Variants in MS4A7 observed in about 807,000 individuals in gnomAD.
The protein encoded by MS4A7 is membrane spanning 4-domains A7, also known as membrane-spanning 4-domains subfamily A member 7.
A neutral mutation model predicts 23.5 loss-of-function variants in MS4A7; 21 were observed. That is an observed-to-expected ratio of 0.89 (90% confidence interval 0.63 to 1.29). MS4A7 has a LOEUF of 1.29. MS4A7 is among the 50% of genes most tolerant of loss of function. MS4A7 has a pLI of 0.00. For missense variants in MS4A7, 263 were observed against 274.2 expected (o/e 0.96, Z 0.29); for synonymous variants, 111 against 107.4 (o/e 1.03, Z -0.21).
In MS4A7 at chr11:60,389,538, A is replaced by T. The variant is rs981444388; in HGVS notation, c.488A>T (p.Glu163Val). 1.2e-6 allele frequency: 2 copies of T among 1,613,950 alleles called. No individual in the cohort carries two copies. The highest frequency in any genetic ancestry group is 1.7e-6 in the Non-Finnish European group (2 of 1,179,964). Residue 163 changes from glutamate to valine, a missense_variant, in exon 5 of 7, where the codon GAG becomes GTG. Coordinates refer to ENST00000300184, the MANE Select transcript of MS4A7 (RefSeq NM_021201.5). ...MDYLSSLPYS[E>V]YYYPIYEIKD... ...TATCTATCCTCATTGCCTTATTCGG[A>T]GTACTATTATCCAATATATGAAATC...
At position 60,386,749 on chromosome 11, in the gene MS4A7, T is replaced by C; in HGVS notation, c.315T>C (p.Ser105=). 6.2e-7 allele frequency: 1 copy of C among 1,613,150 alleles called. No individual in the cohort carries two copies. Among genetic ancestry groups the C allele is most frequent in the Non-Finnish European group, 8.5e-7 (1 of 1,179,216 alleles). The change falls in exon 4 of 7, where the codon TCT becomes TCC. Residue 105 remains serine, a synonymous_variant. Transcript: ENST00000300184. ...FGITGSLSII[S]GKQSTKPFDL... is the part of the protein sequence containing the mutation. ...TTACTGGATCCCTCTCAATTATCTC[T>C]GGAAAACAATCAACTAAGCCCTTTG...
chr11:60,385,095 A>G lies in MS4A7; in HGVS notation c.155A>G (p.Gln52Arg). The change falls in exon 3 of 7, where the codon CAG becomes CGG. Residue 52 changes from glutamine (Q) to arginine (R), a missense_variant. Coordinates refer to ENST00000300184, the MANE Select transcript of MS4A7 (RefSeq NM_021201.5). The stretch of plus-strand genomic sequence containing the variant: ...CTGTCTTCTCTCTTGTAGACTGTCC[A>G]GATCCTGTGTTGCCTGTTGATTTCA... ...PTETTVLGTV[Q>R]ILCCLLISSL... 3 of 1,613,918 alleles carry G rather than the reference A, an allele frequency of 1.9e-6. No individual in the cohort carries two copies. Among genetic ancestry groups the G allele is most frequent in the Non-Finnish European group, 2.5e-6 (3 of 1,179,816 alleles).
At chr11:60,386,161 G>T in intron 3 of MS4A7, among the ~76,000 whole-genome samples, 1 of 152,134 alleles carries the variant, frequency 6.6e-6, no homozygotes, top group East Asian at 1.9e-4. Flanking sequence ...CTGCCAGCTG[G>T]ATCTTTAATA....
chr11:60,393,539 C>A (rs896797974), intron 6 of MS4A7, among the ~76,000 whole-genome samples: 18 of 152,076 alleles, frequency 1.2e-4, no homozygotes, highest in Non-Finnish European at 8.8e-5. Flanking sequence ...CTAAAGGCTA[C>A]AACAACAAAA....
chr11:60,388,049 T>C (rs1412757106), intron 4 of MS4A7, among the ~76,000 whole-genome samples: 1 of 152,250 alleles, frequency 6.6e-6, no homozygotes, highest in East Asian at 1.9e-4. Flanking sequence ...GGAAGGATGG[T>C]TGTCCTGCCC....
chr11:60,388,198 G>A (rs2085511774), intron 4 of MS4A7, among the ~76,000 whole-genome samples: 1 of 152,170 alleles, frequency 6.6e-6, no homozygotes, highest in Admixed American at 6.5e-5. Context: ...CCCACTTGTG[G>A]AGCCCACATT....
intron 2 of MS4A7, 73 bp downstream of exon 2, chr11:60,383,361 T>A: frequency 6.5e-7 from 1 of 1,545,804 alleles, no homozygotes; most frequent in Non-Finnish European, 8.8e-7. Flanking sequence ...AGATCTACAG[T>A]GGGTCTGGGA....
intron 4 of MS4A7, among the ~76,000 whole-genome samples, chr11:60,387,707 T>C (rs572543177): frequency 6.6e-6 from 1 of 152,274 alleles, no homozygotes; most frequent in Non-Finnish European, 1.5e-5. Context: ...CTCAACAACT[T>C]TAGAATTATT....
intron 3 of MS4A7, among the ~76,000 whole-genome samples, chr11:60,385,914 C>T (rs2081955404): frequency 6.6e-6 from 1 of 152,182 alleles, no homozygotes; most frequent in South Asian, 2.1e-4. Context: ...ACTAAGGTAC[C>T]ACTTCTGTGT....
At chr11:60,379,449 T>C (rs536984226) in intron 1 of MS4A7, among the ~76,000 whole-genome samples, 61 of 152,350 alleles carry the variant, frequency 4.0e-4, no homozygotes, top group African/African-American at 1.4e-3. Flanking sequence ...TATTTAAATA[T>C]ACCATTTGGC....
intron 1 of MS4A7, among the ~76,000 whole-genome samples, chr11:60,381,737 T>C (rs2135092200): frequency 6.6e-6 from 1 of 152,326 alleles, no homozygotes; most frequent in East Asian, 1.9e-4. Context: ...TGTCATCTTA[T>C]CCAACCTGTA....
intron 6 of MS4A7, among the ~76,000 whole-genome samples, chr11:60,393,365 G>A (rs4938939): frequency 0.31 from 46,776 of 151,984 alleles, 7,393 homozygotes; most frequent in Middle Eastern, 0.54. Flanking sequence ...CACTTTTATC[G>A]GGAACACAGC....
At chr11:60,385,262 A>G in intron 3 of MS4A7, 40 bp downstream of exon 3, 1 of 1,612,150 alleles carries the variant, frequency 6.2e-7, no homozygotes. Context: ...CATGCTTTAT[A>G]AATGCTAACC....
Position 60,389,611 on chromosome 11 carries a change from A to C in MS4A7, c.546+15A>C, listed in dbSNP as rs772610941. On this transcript the variant is annotated intron_variant, in intron 5 of 6. Coordinates refer to ENST00000300184, the MANE Select transcript of MS4A7 (RefSeq NM_021201.5). ...TCAGTTTAACAGTGAGTAGTTTCAG[A>C]CTGAATATCCTGTCATGTGAAATCT... 6.2e-7 allele frequency: 1 copy of C among 1,603,190 alleles called. No homozygotes were observed. The highest frequency in any genetic ancestry group is 1.3e-5 in the African/African-American group (1 of 74,678).
At chr11:60,386,505 C>T (rs945407060) in intron 3 of MS4A7, 11 of 463,744 alleles carry the variant, frequency 2.4e-5, no homozygotes, top group Admixed American at 3.9e-5. Context: ...TCCAACCCCT[C>T]TGTGCATCTG....
At position 60,383,286 on chromosome 11, in the gene MS4A7, G is replaced by A. The variant is rs764924331; in HGVS notation, c.145G>A (p.Gly49Arg). The part of the protein sequence containing the change: ...NGLPTETTVL[G>R]TVQILCCLLI... ...GCTGCCAACAGAAACCACCGTTCTT[G>A]GGGTAAGTCCACCTCATTATAAGGG... The change falls in exon 2 of 7, where the codon GGG becomes AGG. Residue 49 changes from glycine to arginine, a missense_variant and splice_region_variant. Gly to Arg is a moderately radical substitution (Grantham distance 125). Transcript: ENST00000300184. 35 of 1,613,890 alleles carry A rather than the reference G, an allele frequency of 2.2e-5. No homozygotes were observed. Among genetic ancestry groups the A allele is most frequent in the Non-Finnish European group, 2.9e-5 (34 of 1,179,956 alleles).
At chr11:60,390,679 T>C (rs1015460753) in intron 5 of MS4A7, among the ~76,000 whole-genome samples, 1 of 151,220 alleles carries the variant, frequency 6.6e-6, no homozygotes, top group African/African-American at 2.4e-5. Flanking sequence ...ATATTGGGGG[T>C]TTAATTTAAA....
chr11:60,388,671 G>A lies in MS4A7; in HGVS notation c.340-719G>A, dbSNP rs568881292. 7.9e-5 allele frequency among the ~76,000 whole-genome samples: 12 copies of A among 152,328 alleles called. No homozygotes were observed. In the East Asian group the frequency reaches 1.7e-3, roughly 22 times the overall value. ...TACGGAGAGAAGCAAAGGCTTTATA[G>A]CTGCTTCCTCCCTTTCTCCCTCCAA... On this transcript the variant is annotated intron_variant, in intron 4 of 6. Coordinates refer to ENST00000300184, the MANE Select transcript of MS4A7 (RefSeq NM_021201.5).
chr11:60,387,920 C>T (rs571859957), intron 4 of MS4A7, among the ~76,000 whole-genome samples: 45 of 152,356 alleles, frequency 3.0e-4, no homozygotes, highest in African/African-American at 1.1e-3. Context: ...TTTTAGGAGA[C>T]AGGATTCTCC....
Sources: gnomAD v4.1 joint callset for allele counts (sites outside exome capture counted in the v4.1 genomes callset) on GRCh38, gnomAD v4.1.1 for gene constraint, MANE v1.5 for transcripts, NCBI Gene and HGNC (gene_info 2026-07-23, HGNC 2026-07-21) for gene names.